The following OLFM3 variants were observed in gnomAD, a reference collection of about 807,000 sequenced individuals.
The protein encoded by OLFM3 is noelin-3.
In OLFM3, 20 loss-of-function variants were observed where a neutral mutation model predicts 48.6. That is an observed-to-expected ratio of 0.41 (90% CI 0.29 to 0.60). The LOEUF is 0.60. OLFM3 is among the 20% of genes least tolerant of loss of function. The probability of loss-of-function intolerance (pLI) is 0.28; values close to 1 mark genes in which losing one functional copy is unlikely to be tolerated. For missense variants in OLFM3, 437 were observed against 544.3 expected (o/e 0.80, Z 1.96); for synonymous variants, 222 against 198.1 (o/e 1.12, Z -1.01).
chr1:101,952,566 G>A (rs1293649383), intron 1 of OLFM3, among the ~76,000 whole-genome samples: 1 of 151,958 alleles, frequency 6.6e-6, no homozygotes, highest in Non-Finnish European at 1.5e-5. Flanking sequence ...ATGCATATGT[G>A]TATATGTATT....
At chr1:101,907,724 G>A (rs1353609489) in intron 1 of OLFM3, among the ~76,000 whole-genome samples, 1 of 152,218 alleles carries the variant, frequency 6.6e-6, no homozygotes, top group African/African-American at 2.4e-5. Flanking sequence ...AGAGACAAAA[G>A]TCGCTAATCA....
intron 1 of OLFM3, among the ~76,000 whole-genome samples, chr1:101,948,265 C>CT (rs945701309): frequency 2.6e-5 from 4 of 151,806 alleles, no homozygotes; most frequent in African/African-American, 7.2e-5. Flanking sequence ...TCCTGTCAGC[C>CT]TTTTTTTTAA....
Position 101,804,434 on chromosome 1 carries a change from G to C in OLFM3, c.1181C>G (p.Ala394Gly). The change falls in exon 6 of 6, where the codon GCC becomes GGC. Residue 394 changes from alanine (A) to glycine (G), a missense_variant. Physicochemically the swap from Ala to Gly is moderately conservative, Grantham distance 60. Coordinates refer to ENST00000370103, the MANE Select transcript of OLFM3 (RefSeq NM_058170.4). The surrounding 1 kb of genome is among the most constrained non-coding windows in gnomAD (Gnocchi z 4.5). The part of the protein sequence containing the change: ...LYVTNSHLTG[A>G]KVYYSYSTKT... Reference sequence around the variant, plus strand: ...GGTGGAATAGGAATAATACACCTTGGCTCCAGTTAAGTGGGAGTTGGTGAC... The same window carrying C: ...GGTGGAATAGGAATAATACACCTTGCCTCCAGTTAAGTGGGAGTTGGTGAC... 1 of 1,612,446 alleles carries C rather than the reference G, an allele frequency of 6.2e-7. No individual in the cohort carries two copies. The highest frequency in any genetic ancestry group is 8.5e-7 in the Non-Finnish European group (1 of 1,178,954).
chr1:101,895,445 ACACT>A (rs1658162640), intron 1 of OLFM3, among the ~76,000 whole-genome samples: 1 of 145,440 alleles, frequency 6.9e-6, no homozygotes. Context: ...ACACACACAC[ACACT>A]CACTCACATT....
intron 1 of OLFM3, among the ~76,000 whole-genome samples, chr1:101,934,510 T>A (rs1454339146): frequency 6.6e-6 from 1 of 152,100 alleles, no homozygotes; most frequent in Non-Finnish European, 1.5e-5. Flanking sequence ...AAGATAACTA[T>A]AGCATAACAG....
intron 3 of OLFM3, among the ~76,000 whole-genome samples, chr1:101,826,085 C>T (rs1654849646): frequency 1.3e-5 from 2 of 150,822 alleles, no homozygotes; most frequent in African/African-American, 4.9e-5. Context: ...ATAGATGAGC[C>T]AGTTACACAG....
At chr1:101,866,978 T>C (rs893321808) in intron 1 of OLFM3, among the ~76,000 whole-genome samples, 2 of 152,198 alleles carry the variant, frequency 1.3e-5, no homozygotes, top group Non-Finnish European at 2.9e-5. Context: ...ATTGCTGACA[T>C]GGACAGTAGT....
intron 1 of OLFM3, among the ~76,000 whole-genome samples, chr1:101,842,169 C>T (rs929391047): frequency 1.3e-5 from 2 of 152,034 alleles, no homozygotes; most frequent in African/African-American, 4.8e-5. Flanking sequence ...AAGGAAACCT[C>T]CAGGCTTTAA....
intron 1 of OLFM3, among the ~76,000 whole-genome samples, chr1:101,897,152 A>G (rs956530498): frequency 2.6e-5 from 4 of 152,200 alleles, no homozygotes; most frequent in African/African-American, 9.7e-5. Flanking sequence ...AACTACCTGT[A>G]GAAAAGTAAT....
intron 1 of OLFM3, among the ~76,000 whole-genome samples, chr1:101,951,983 G>A (rs12075121): frequency 0.057 from 8,599 of 152,036 alleles, 573 homozygotes; most frequent in African/African-American, 0.16. Flanking sequence ...AATATTTAAA[G>A]TTTTTCAGAT....
chr1:101,968,157 G>T (rs574183085), intron 1 of OLFM3, among the ~76,000 whole-genome samples: 1 of 152,202 alleles, frequency 6.6e-6, no homozygotes, highest in African/African-American at 2.4e-5. Flanking sequence ...AGAATGAACA[G>T]CACATAACTT....
chr1:101,885,716 A>C (rs1657726529), intron 1 of OLFM3, among the ~76,000 whole-genome samples: 1 of 152,120 alleles, frequency 6.6e-6, no homozygotes, highest in African/African-American at 2.4e-5. Flanking sequence ...TCTCCAGCTT[A>C]CTTTGTCATA....
At chr1:101,985,995 T>C (rs1186761567) in intron 1 of OLFM3, among the ~76,000 whole-genome samples, 2 of 148,152 alleles carry the variant, frequency 1.3e-5, no homozygotes, top group Admixed American at 6.8e-5. Context: ...ACACAGAGTC[T>C]CGCTCTGTCC....
chr1:101,875,084 A>G (rs1318006158), intron 1 of OLFM3, among the ~76,000 whole-genome samples: 1 of 152,032 alleles, frequency 6.6e-6, no homozygotes, highest in Non-Finnish European at 1.5e-5. Flanking sequence ...TTAGTTTATG[A>G]AAAAAGTAAT....
At chr1:101,994,414 T>C (rs947405145) in intron 1 of OLFM3, among the ~76,000 whole-genome samples, 1 of 150,710 alleles carries the variant, frequency 6.6e-6, no homozygotes, top group African/African-American at 2.4e-5. Flanking sequence ...GATTTTTAAT[T>C]TTAATTTCAC....
chr1:101,884,619 G>A (rs1657672440), intron 1 of OLFM3, among the ~76,000 whole-genome samples: 1 of 151,998 alleles, frequency 6.6e-6, no homozygotes, highest in Admixed American at 6.6e-5. Flanking sequence ...TGCAAATGCA[G>A]TCAATTTATA....
chr1:101,917,990 A>T lies in OLFM3; in HGVS notation c.69+78758T>A, dbSNP rs368476661. Among the ~76,000 whole-genome samples, 150 of 152,020 alleles carry T rather than the reference A, an allele frequency of 9.9e-4. 1 individual carries two copies. Among genetic ancestry groups the T allele is most frequent in the African/African-American group, 3.4e-3 (141 of 41,470 alleles). On this transcript the variant is annotated intron_variant, in intron 1 of 5. Transcript: ENST00000370103. ...ATTTATTCTGGAAAGAACATTGATTAAAAAAAACCACATTTTATCGTTCTT... is the reference window on the plus strand; with the variant it reads ...ATTTATTCTGGAAAGAACATTGATTTAAAAAAACCACATTTTATCGTTCTT...
At chr1:101,807,097 G>A (rs1653812663) in intron 4 of OLFM3, among the ~76,000 whole-genome samples, 1 of 151,528 alleles carries the variant, frequency 6.6e-6, no homozygotes, top group African/African-American at 2.4e-5. Flanking sequence ...CACTTATTAT[G>A]CTTATCTTTC....
At chr1:101,977,633 G>A (rs553332852) in intron 1 of OLFM3, among the ~76,000 whole-genome samples, 1 of 152,136 alleles carries the variant, frequency 6.6e-6, no homozygotes, top group Non-Finnish European at 1.5e-5. Context: ...ATCTGTAAGT[G>A]AGTAAAGACA....
Sources: gnomAD v4.1 joint callset for allele counts (sites outside exome capture counted in the v4.1 genomes callset) on GRCh38, gnomAD v4.1.1 for gene constraint, Gnocchi (gnomAD v3.1) non-coding constraint, MANE v1.5 for transcripts, NCBI Gene and HGNC (gene_info 2026-07-23, HGNC 2026-07-21) for gene names.